Variants in FILIP1 observed in about 807,000 individuals in gnomAD.
The protein encoded by FILIP1 is filamin A interacting protein 1.
A neutral mutation model predicts 102.1 loss-of-function variants in FILIP1; 61 were observed. That is an observed-to-expected ratio of 0.60 (90% CI 0.49 to 0.74). The LOEUF is 0.74. Among genes scored for constraint, FILIP1 ranks in the 30% least tolerant of loss-of-function variants. FILIP1 has a pLI of 0.00. For synonymous variants in FILIP1, 491 were observed against 526.9 expected (o/e 0.93, Z 0.93); for missense variants, 1,314 against 1,441.2 (o/e 0.91, Z 1.43).
intron 4 of FILIP1, among the ~76,000 whole-genome samples, chr6:75,343,635 G>T (rs13211657): frequency 0.056 from 8,464 of 152,246 alleles, 309 homozygotes; most frequent in Non-Finnish European, 0.075. Context: ...CCTTGCTTTT[G>T]ATCCTACACA....
At chr6:75,432,647 A>AT (rs1236697715) in intron 1 of FILIP1, among the ~76,000 whole-genome samples, 1 of 152,038 alleles carries the variant, frequency 6.6e-6, no homozygotes, top group African/African-American at 2.4e-5. Context: ...AAGAGAGTGA[A>AT]TTTTTTTAAA....
intron 2 of FILIP1, among the ~76,000 whole-genome samples, chr6:75,389,485 G>A (rs535005493): frequency 3.9e-5 from 6 of 152,230 alleles, no homozygotes; most frequent in Non-Finnish European, 2.9e-5. Flanking sequence ...GAATTCAGTT[G>A]TGAATCCATC....
At chr6:75,361,151 A>G (rs896405666) in intron 3 of FILIP1, among the ~76,000 whole-genome samples, 1 of 152,226 alleles carries the variant, frequency 6.6e-6, no homozygotes, top group African/African-American at 2.4e-5. Context: ...AAATATGCCC[A>G]GCTTAGCCAG....
intron 2 of FILIP1, among the ~76,000 whole-genome samples, chr6:75,395,906 G>A (rs910059491): frequency 6.6e-6 from 1 of 152,080 alleles, no homozygotes; most frequent in Admixed American, 6.5e-5. Context: ...TTAACAGTAG[G>A]TGTTTGTATG....
chr6:75,440,597 C>T (rs1778178282), intron 1 of FILIP1, among the ~76,000 whole-genome samples: 2 of 152,156 alleles, frequency 1.3e-5, no homozygotes, highest in Admixed American at 1.3e-4. Flanking sequence ...CAGGTGAGGG[C>T]TCACTGGGAA....
chr6:75,434,445 G>A (rs1777945052), intron 1 of FILIP1, among the ~76,000 whole-genome samples: 1 of 152,082 alleles, frequency 6.6e-6, no homozygotes, highest in Non-Finnish European at 1.5e-5. Context: ...TATTCTCTTT[G>A]TAGCAATTGT....
At position 75,470,150 on chromosome 6, in the gene FILIP1, T is replaced by G. The variant is rs1172424113; in HGVS notation, c.-7+23264A>C. ...CTGTTATTATTTACAGAGAAAATGATAGAAAGCTCAAGATAATCAAAGGAA... is the reference window on the plus strand; with the variant it reads ...CTGTTATTATTTACAGAGAAAATGAGAGAAAGCTCAAGATAATCAAAGGAA... On this transcript the variant is annotated intron_variant, in intron 1 of 5. Coordinates refer to ENST00000237172, the MANE Select transcript of FILIP1 (RefSeq NM_015687.5). Among the ~76,000 whole-genome samples the G allele has an allele frequency of 2.0e-5, 3 of 152,188 alleles. No individual in the cohort carries two copies. The East Asian group carries it at 5.8e-4, about 29-fold the overall frequency.
At position 75,312,113 on chromosome 6, in the gene FILIP1, A is replaced by T. The variant is rs146471080; in HGVS notation, c.3435+284T>A. Among the ~76,000 whole-genome samples the T allele has an allele frequency of 8.7e-3, 1,330 of 152,314 alleles. 24 individuals carry two copies. Among genetic ancestry groups the T allele is most frequent in the African/African-American group, 0.031 (1,276 of 41,566 alleles). The stretch of plus-strand genomic sequence containing the variant: ...AAATTTTAAGCCTTCTGATTACTAT[A>T]TGCTACCATTTCAAAGAGGCTATCT... On this transcript the variant is annotated intron_variant, in intron 5 of 5. Transcript: ENST00000237172.
In FILIP1 at chr6:75,414,871, T is replaced by C; in HGVS notation, c.102A>G (p.Glu34=). 6.2e-7 allele frequency: 1 copy of C among 1,613,976 alleles called. No individual in the cohort carries two copies. The highest frequency in any genetic ancestry group is 8.5e-7 in the Non-Finnish European group (1 of 1,179,912). ...TTGATTTCTTCTTCTTTTTTGCATCTTCTGAGAGACTTTTTTCACCAGCAT... is the reference window on the plus strand; with the variant it reads ...TTGATTTCTTCTTCTTTTTTGCATCCTCTGAGAGACTTTTTTCACCAGCAT... The part of the protein sequence containing the change: ...IGNAGEKSLS[E]DAKKKKKSNR... Residue 34 remains glutamate, a synonymous_variant, in exon 2 of 6, where the codon GAA becomes GAG. Transcript: ENST00000237172.
intron 1 of FILIP1, among the ~76,000 whole-genome samples, chr6:75,456,740 A>C (rs1307398548): frequency 6.6e-6 from 1 of 152,014 alleles, no homozygotes; most frequent in South Asian, 2.1e-4. Context: ...TTGTATTTTT[A>C]GTAGAGACGG....
chr6:75,358,546 T>C (rs1775077408), intron 3 of FILIP1: 1 of 152,052 alleles, frequency 6.6e-6, no homozygotes, highest in African/African-American at 2.4e-5. Context: ...TGGGGGCCCT[T>C]CCCGTGAAGA....
At chr6:75,446,825 A>C (rs1484621693) in intron 1 of FILIP1, among the ~76,000 whole-genome samples, 1 of 152,118 alleles carries the variant, frequency 6.6e-6, no homozygotes, top group East Asian at 1.9e-4. Flanking sequence ...CAGTTCTGTA[A>C]TTTGGGGAGT....
At chr6:75,319,549 G>A (rs1462663373) in intron 4 of FILIP1, 5 of 546,488 alleles carry the variant, frequency 9.1e-6, no homozygotes, top group East Asian at 4.7e-5. Context: ...AAAACTCTGA[G>A]GCCGGGCCCG....
chr6:75,456,933 G>T (rs1229151689), intron 1 of FILIP1, among the ~76,000 whole-genome samples: 1 of 152,074 alleles, frequency 6.6e-6, no homozygotes, highest in African/African-American at 2.4e-5. Flanking sequence ...AAATGATATG[G>T]AAGTTTGTAA....
At chr6:75,316,636 G>T (rs2149554847) in intron 4 of FILIP1, among the ~76,000 whole-genome samples, 1 of 152,198 alleles carries the variant, frequency 6.6e-6, no homozygotes, top group East Asian at 1.9e-4. Context: ...ATGTCGTTAA[G>T]ATTTTTTCAT....
At chr6:75,354,483 G>T (rs1279000533) in intron 3 of FILIP1, among the ~76,000 whole-genome samples, 1 of 150,304 alleles carries the variant, frequency 6.7e-6, no homozygotes, top group Non-Finnish European at 1.5e-5. Context: ...AGGCAGGAGA[G>T]TGGCTTGATC....
Position 75,308,863 on chromosome 6 carries a change from G to A in FILIP1, c.3470C>T (p.Pro1157Leu), listed in dbSNP as rs888526210. 1.9e-6 allele frequency: 3 copies of A among 1,614,080 alleles called. No individual in the cohort carries two copies. The highest frequency in any genetic ancestry group is 2.5e-6 in the Non-Finnish European group (3 of 1,180,014). ...ACCTTTTGACATAGGAATGCGGGTG[G>A]GTGTAGGCCGCTGGGATGACCCGTC... ...GQDGSSQRPT[P>L]TRIPMSKGMK... Residue 1157 changes from proline to leucine, a missense_variant, in exon 6 of 6, where the codon CCC (proline) becomes CTC (leucine). By Grantham distance (98) the Pro-to-Leu change is moderately conservative. Around this residue, in one of 3 missense-constraint regions of FILIP1, gnomAD observed 816 missense variants for 913.1 expected, o/e 0.89. Coordinates refer to ENST00000237172, the MANE Select transcript of FILIP1 (RefSeq NM_015687.5).
intron 4 of FILIP1, among the ~76,000 whole-genome samples, chr6:75,340,658 T>C (rs1774388959): frequency 6.6e-6 from 1 of 152,104 alleles, no homozygotes; most frequent in Non-Finnish European, 1.5e-5. Flanking sequence ...TCTGCTTGTT[T>C]TTGGTTTCAA....
intron 4 of FILIP1, among the ~76,000 whole-genome samples, chr6:75,340,829 G>C (rs1774395380): frequency 6.7e-6 from 1 of 149,448 alleles, no homozygotes; most frequent in Non-Finnish European, 1.5e-5. Flanking sequence ...CCTAGTAGCT[G>C]GGATTATAGG....
Sources: gnomAD v4.1 joint callset for allele counts (sites outside exome capture counted in the v4.1 genomes callset) on GRCh38, gnomAD v4.1.1 for gene constraint, gnomAD v4.1.1 regional missense constraint, MANE v1.5 for transcripts, NCBI Gene and HGNC (gene_info 2026-07-23, HGNC 2026-07-21) for gene names.